Variants in HMCN2 observed in about 807,000 individuals in gnomAD.
HMCN2 encodes the protein hemicentin-2.
A neutral mutation model predicts 377.5 loss-of-function variants in HMCN2; 325 were observed. The ratio of observed to expected loss-of-function variants is 0.86; its 90% CI spans 0.79 to 0.94. The LOEUF is 0.94. HMCN2 is among the 40% of genes least tolerant of loss of function. The pLI is 0.00. For synonymous variants in HMCN2, 2,007 were observed against 2,046.8 expected, an observed-to-expected ratio of 0.98 and a Z score of 0.53; for missense variants, 4,543 against 4,725.3, an observed-to-expected ratio of 0.96 and a Z score of 1.13.
In HMCN2 at chr9:130,386,524, G is replaced by T; in HGVS notation, c.9391G>T (p.Val3131Leu). ...GCGGACCTTCACCCTCACCGTCCAG[G>T]GTAAGCCAGGGACCAGCCTAGCCAA... ...AVRTFTLTVQ[V>L]PPTFENPKTE... The change falls in exon 61 of 98, where the codon GTG (valine) becomes TTG (leucine). Residue 3131 changes from valine to leucine, a missense_variant and splice_region_variant. Physicochemically the swap from Val to Leu is conservative, Grantham distance 32. Around this residue, in one of 5 missense-constraint regions of HMCN2, gnomAD observed 736 missense variants for 773.2 expected, o/e 0.95. Coordinates refer to ENST00000683500, the MANE Select transcript of HMCN2 (RefSeq NM_001291815.2). 1.5e-6 allele frequency: 2 copies of T among 1,302,628 alleles called. No homozygotes were observed. The highest frequency in any genetic ancestry group is 2.5e-5 in the South Asian group (2 of 80,938). 80.7% of individuals were successfully genotyped at this position (1,302,628 alleles called of 1,614,324 possible).
intron 4 of HMCN2, among the ~76,000 whole-genome samples, chr9:130,292,512 A>G (rs1047479294): frequency 1.3e-5 from 2 of 152,210 alleles, no homozygotes; most frequent in African/African-American, 2.4e-5. Context: ...TCTGTCGAAA[A>G]GGCACGGAAT....
chr9:130,304,977 G>T lies in HMCN2; in HGVS notation c.1791G>T (p.Arg597Ser). 2.1e-6 allele frequency: 1 copy of T among 470,814 alleles called. No individual in the cohort carries two copies. Among genetic ancestry groups the T allele is most frequent in the Non-Finnish European group, 4.4e-6 (1 of 226,814 alleles). The allele number at this position is 470,814 out of a possible 1,614,324, so 29.2% of individuals were successfully genotyped here. ...CCAGCAATGCCAATGGGGTCACAAGGGCATCCGTCTGGCTCCTGGTGCGAG... is the reference window on the plus strand; with the variant it reads ...CCAGCAATGCCAATGGGGTCACAAGTGCATCCGTCTGGCTCCTGGTGCGAG... ...CVASNANGVT[R>S]ASVWLLVREA... Residue 597 changes from arginine to serine, a missense_variant, in exon 11 of 98, where the codon AGG (arginine) becomes AGT (serine). Transcript: ENST00000683500. The surrounding 1 kb of genome is among the most constrained non-coding windows in gnomAD (Gnocchi z 4.3).
intron 4 of HMCN2, among the ~76,000 whole-genome samples, chr9:130,291,659 A>G (rs776145662): frequency 1.3e-5 from 2 of 152,212 alleles, no homozygotes; most frequent in Non-Finnish European, 2.9e-5. Context: ...ATCTCTTTAT[A>G]CTTTTTGCTG....
chr9:130,427,835 CAG>C (rs1460735482), intron 92 of HMCN2, among the ~76,000 whole-genome samples: 2 of 152,196 alleles, frequency 1.3e-5, no homozygotes, highest in African/African-American at 2.4e-5. Context: ...GCCCAGGTAT[CAG>C]GGGGTGATGG....
chr9:130,278,021 CCACCACGA>C (rs1564740348), intron 1 of HMCN2, among the ~76,000 whole-genome samples: 520 of 7,832 alleles, frequency 0.066, 101 homozygotes, highest in African/African-American at 0.32. Context: ...ATCATCACCA[CCACCACGA>C]TCATCACCAC....
At chr9:130,406,213 G>T (rs572702254) in intron 82 of HMCN2, 45 bp downstream of exon 82, 1 of 1,281,956 alleles carries the variant, frequency 7.8e-7, no homozygotes, top group Admixed American at 2.3e-5. Flanking sequence ...CCAGGACACC[G>T]GGAGGTTAAG....
At chr9:130,348,497 G>C (rs1284729660) in intron 26 of HMCN2, 48 bp from the exon 27 acceptor site, 6 of 1,295,200 alleles carry the variant, frequency 4.6e-6, no homozygotes, top group Non-Finnish European at 6.1e-6. Flanking sequence ...TTCGGCTGTG[G>C]CTCTAAGGGG....
chr9:130,374,980 T>C (rs1361109473), intron 49 of HMCN2, among the ~76,000 whole-genome samples: 5 of 152,172 alleles, frequency 3.3e-5, no homozygotes, highest in African/African-American at 7.2e-5. Context: ...ACAAGAGTTA[T>C]TGCCAGGCCC....
At chr9:130,418,170 C>T (rs35492824) in intron 85 of HMCN2, among the ~76,000 whole-genome samples, 4,865 of 152,226 alleles carry the variant, frequency 0.032, 182 homozygotes, top group African/African-American at 0.089. Context: ...TTCATTTAGC[C>T]AATCCCAATA....
chr9:130,320,952 G>A (rs1211696588), intron 18 of HMCN2, 49 bp downstream of exon 18: 1 of 152,282 alleles, frequency 6.6e-6, no homozygotes, highest in East Asian at 1.9e-4. Context: ...ACCTGGGGAA[G>A]AAGGAGGCTG....
chr9:130,285,775 C>G (rs1835383057), intron 3 of HMCN2, among the ~76,000 whole-genome samples: 1 of 152,172 alleles, frequency 6.6e-6, no homozygotes, highest in Non-Finnish European at 1.5e-5. Flanking sequence ...AGAGCCTGCT[C>G]TTTGGCATCC....
At chr9:130,282,602 G>A (rs1835183071) in intron 1 of HMCN2, among the ~76,000 whole-genome samples, 1 of 152,214 alleles carries the variant, frequency 6.6e-6, no homozygotes, top group African/African-American at 2.4e-5. Flanking sequence ...AGAGGGGCCG[G>A]GGCCACGGGG....
rs1836102206 is a variant in HMCN2 at position 130,295,750 on chromosome 9, A to G, written c.869A>G (p.His290Arg). Residue 290 changes from histidine to arginine, a missense_variant, in exon 6 of 98, where the codon CAT becomes CGT. Physicochemically the swap from His to Arg is conservative, Grantham distance 29. This residue lies in a region of HMCN2 where 547 missense variants were observed against 189.9 expected (regional missense o/e 2.88). Coordinates refer to ENST00000683500, the MANE Select transcript of HMCN2 (RefSeq NM_001291815.2). The part of the protein sequence containing the change: ...SAKVVAFKPE[H>R]PGLWSIKVYS... ...AAGGTCGTAGCCTTTAAGCCTGAGCATCCGGGGCTGTGGTCCATCAAGGTA... is the reference window on the plus strand; with the variant it reads ...AAGGTCGTAGCCTTTAAGCCTGAGCGTCCGGGGCTGTGGTCCATCAAGGTA... 2.1e-6 allele frequency: 1 copy of G among 470,920 alleles called. No homozygotes were observed. The highest frequency in any genetic ancestry group is 2.3e-5 in the Admixed American group (1 of 42,554). 29.2% of individuals were successfully genotyped at this position (470,920 alleles called of 1,614,324 possible). A position where few individuals can be genotyped will look rare whatever the true frequency, so the allele number is the denominator to read the frequency against.
chr9:130,430,050 G>A, intron 94 of HMCN2: 3 of 605,318 alleles, frequency 5.0e-6, no homozygotes, highest in South Asian at 4.2e-5. Context: ...GGGAGCTGGA[G>A]TCTGGGACGA....
chr9:130,385,521 A>T (rs1841974246), intron 59 of HMCN2, 39 bp from the exon 60 acceptor site: 1 of 1,264,140 alleles, frequency 7.9e-7, no homozygotes, highest in South Asian at 1.2e-5. Flanking sequence ...GGGCGCAGGG[A>T]CAGCTGCAGC....
rs1192246439 is a variant in HMCN2, at chr9:130,334,549, GT to G, written c.3360-3324del. Among the ~76,000 whole-genome samples, 812 of 99,048 alleles carry G rather than the reference GT, an allele frequency of 8.2e-3. 4 individuals are homozygous for G. The highest frequency in any genetic ancestry group is 0.02 in the African/African-American group (528 of 26,324). 65.0% of individuals were successfully genotyped at this position (99,048 alleles called of 152,430 possible). On this transcript the variant is annotated intron_variant, in intron 22 of 97. Coordinates refer to ENST00000683500, the MANE Select transcript of HMCN2 (RefSeq NM_001291815.2). ...GTGTGAATTGTTAACACTTTTGGAA[GT>G]TTTTTTTTTTTTTTTTTTTTCAGAA... is the stretch of plus-strand genomic sequence containing the variant.
At chr9:130,307,790 C>T (rs1170162056) in intron 14 of HMCN2, among the ~76,000 whole-genome samples, 1 of 152,090 alleles carries the variant, frequency 6.6e-6, no homozygotes, top group Non-Finnish European at 1.5e-5. Context: ...CAGCACTGAG[C>T]CAGGCCCAGA....
rs1265814030 is a variant in HMCN2, at chr9:130,407,654, G to A, written c.12637G>A (p.Ala4213Thr). ...REDSGTYVCWAENRVGRTQAV... is the reference protein window; with the variant it reads ...REDSGTYVCWTENRVGRTQAV... ...AGACAGCGGGACCTATGTCTGCTGG[G>A]CGGAGAACAGAGTGGGCCGCACGCA... Residue 4213 changes from alanine to threonine, a missense_variant, in exon 83 of 98, where the codon GCG becomes ACG. By Grantham distance (58) the Ala-to-Thr change is moderately conservative (BLOSUM62 0). Coordinates refer to ENST00000683500, the MANE Select transcript of HMCN2 (RefSeq NM_001291815.2). 3 of 1,282,372 alleles carry A rather than the reference G, an allele frequency of 2.3e-6. No individual in the cohort carries two copies. Among genetic ancestry groups the A allele is most frequent in the Non-Finnish European group, 3.0e-6 (3 of 983,910 alleles). The allele number at this position is 1,282,372 out of a possible 1,614,324, so 79.4% of individuals were successfully genotyped here. A position where few individuals can be genotyped will look rare whatever the true frequency, so the allele number is the denominator to read the frequency against.
intron 40 of HMCN2, 101 bp from the exon 41 acceptor site, chr9:130,364,613 C>A: frequency 1.8e-6 from 1 of 547,650 alleles, no homozygotes; most frequent in Non-Finnish European, 2.3e-6. Context: ...GGTGGTCACT[C>A]CTGGCTGCTG....
Sources: allele counts gnomAD v4.1 joint callset (sites outside exome capture counted in the v4.1 genomes callset), GRCh38; gene constraint gnomAD v4.1.1; regional missense constraint gnomAD v4.1.1; non-coding constraint Gnocchi (gnomAD v3.1); transcripts MANE v1.5; gene names NCBI Gene and HGNC (gene_info 2026-07-23, HGNC 2026-07-21).